The following SYNPR variants were observed in gnomAD, a reference collection of about 807,000 sequenced individuals.
SYNPR encodes synaptoporin.
In SYNPR, 23 loss-of-function variants were observed where a neutral mutation model predicts 32.9. That is an observed-to-expected ratio of 0.70 (90% CI 0.50 to 0.99). The LOEUF is 0.99. Among genes scored for constraint, SYNPR ranks in the 50% least tolerant of loss-of-function variants. SYNPR has a pLI of 0.00. For synonymous variants in SYNPR, 146 were observed against 135.9 expected, an observed-to-expected ratio of 1.07 and a Z score of -0.52; for missense variants, 318 against 349.3, an observed-to-expected ratio of 0.91 and a Z score of 0.71.
intron 2 of SYNPR, among the ~76,000 whole-genome samples, chr3:63,410,079 G>A (rs997816658): frequency 6.6e-6 from 1 of 150,946 alleles, no homozygotes; most frequent in Non-Finnish European, 1.5e-5. Flanking sequence ...CTTACACATT[G>A]TTTGTTAACA....
chr3:63,594,835 A>G (rs1699905565), intron 4 of SYNPR, among the ~76,000 whole-genome samples: 1 of 152,168 alleles, frequency 6.6e-6, no homozygotes, highest in South Asian at 2.1e-4. Flanking sequence ...TAAAAATATA[A>G]CAGCAATAAT....
At chr3:63,585,231 T>C (rs192215309) in intron 4 of SYNPR, among the ~76,000 whole-genome samples, 5 of 152,248 alleles carry the variant, frequency 3.3e-5, no homozygotes, top group Admixed American at 1.3e-4. Flanking sequence ...AAATAAAGCA[T>C]GCAACATAAG....
At chr3:63,588,264 T>C (rs1292805889) in intron 4 of SYNPR, among the ~76,000 whole-genome samples, 3 of 152,042 alleles carry the variant, frequency 2.0e-5, no homozygotes, top group East Asian at 1.9e-4. Context: ...TTTTGTTCGG[T>C]TGATGAGAAA....
the SYNPR span, among the ~76,000 whole-genome samples, chr3:63,204,183 T>C: frequency 3.9e-5 from 6 of 152,192 alleles, no homozygotes; most frequent in South Asian, 2.1e-4. Flanking sequence ...ACAAACCAGG[T>C]GGATAAAAAA....
chr3:63,498,777 G>A (rs995942473), intron 3 of SYNPR, among the ~76,000 whole-genome samples: 6 of 151,956 alleles, frequency 3.9e-5, no homozygotes, highest in Non-Finnish European at 7.4e-5. Context: ...CCGATAAGGC[G>A]TGTGAATTTT....
intron 3 of SYNPR, among the ~76,000 whole-genome samples, chr3:63,547,758 G>T (rs1702433938): frequency 6.6e-6 from 1 of 152,160 alleles, no homozygotes; most frequent in Non-Finnish European, 1.5e-5. Flanking sequence ...TTGTATGGGA[G>T]GTTAAGAGCA....
intron 2 of SYNPR, among the ~76,000 whole-genome samples, chr3:63,304,342 GTGTGTGTGTGTT>G (rs2086886579): frequency 7.1e-6 from 1 of 140,346 alleles, no homozygotes; most frequent in Non-Finnish European, 1.5e-5. Flanking sequence ...GAAAAAGAAA[GTGTGTGTGTGTT>G]TGTGTGTGTG....
chr3:63,572,879 GA>G (rs970158092), intron 4 of SYNPR, among the ~76,000 whole-genome samples: 3 of 152,032 alleles, frequency 2.0e-5, no homozygotes, highest in African/African-American at 7.2e-5. Context: ...ATAAGTATTA[GA>G]ATAAGGCATG....
rs76505796 is a variant in SYNPR at position 63,450,395 on chromosome 3, C to A, written c.85-30437C>A. ...ATTTATTTAAGTCAGAAAACTGAAG[C>A]CCCAAGAGATGAGTTGAATTGCCCA... On this transcript the variant is annotated intron_variant, in intron 2 of 5. Coordinates refer to ENST00000478300, the MANE Select transcript of SYNPR (RefSeq NM_001130003.2). Among the ~76,000 whole-genome samples, 887 of 152,204 alleles carry A rather than the reference C, an allele frequency of 5.8e-3. 7 individuals carry two copies. Among genetic ancestry groups the A allele is most frequent in the Non-Finnish European group, 9.0e-3 (609 of 68,018 alleles).
chr3:63,246,283 C>T (rs548910703), intron 1 of SYNPR, among the ~76,000 whole-genome samples: 6 of 152,116 alleles, frequency 3.9e-5, no homozygotes, highest in South Asian at 2.1e-4. Flanking sequence ...CCCTGGAGTC[C>T]CCCAGATACT....
chr3:63,281,501 T>C (rs1216123324), intron 2 of SYNPR, among the ~76,000 whole-genome samples: 1 of 152,190 alleles, frequency 6.6e-6, no homozygotes, highest in Non-Finnish European at 1.5e-5. Context: ...AAGTCTAAGA[T>C]CAAGGTGCCA....
chr3:63,267,441 G>T (rs1260439241), exon 3 of SYNPR: 8 of 152,234 alleles, frequency 5.3e-5, no homozygotes, highest in Admixed American at 5.2e-4. Flanking sequence ...TGAAGTCAAA[G>T]AGGGGCAGGT....
At chr3:63,210,550 T>A in the SYNPR span, among the ~76,000 whole-genome samples, 1 of 152,236 alleles carries the variant, frequency 6.6e-6, no homozygotes, top group East Asian at 1.9e-4. Flanking sequence ...AAACCTTACT[T>A]GTTTTCCGTT....
chr3:63,581,999 G>A (rs540273249), intron 4 of SYNPR, among the ~76,000 whole-genome samples: 5 of 152,116 alleles, frequency 3.3e-5, no homozygotes, highest in African/African-American at 9.6e-5. Flanking sequence ...TGCTTCCCAG[G>A]TGTTTTCCAA....
intron 3 of SYNPR, among the ~76,000 whole-genome samples, chr3:63,490,507 A>G (rs1231647568): frequency 6.6e-6 from 1 of 152,032 alleles, no homozygotes; most frequent in Non-Finnish European, 1.5e-5. Context: ...CAAGGAAAAG[A>G]TGGTGGTGGG....
At chr3:63,311,387 A>G (rs1379183905) in intron 2 of SYNPR, among the ~76,000 whole-genome samples, 1 of 152,026 alleles carries the variant, frequency 6.6e-6, no homozygotes. Context: ...TAGATAATGT[A>G]GAGCAGGGGT....
Position 63,358,636 on chromosome 3 carries a change from A to C in SYNPR, c.84+79894A>C, listed in dbSNP as rs918991380. On this transcript the variant is annotated intron_variant, in intron 2 of 5. Coordinates refer to ENST00000478300, the MANE Select transcript of SYNPR (RefSeq NM_001130003.2). The stretch of plus-strand genomic sequence containing the variant: ...TCCTCATAATACATGAAAAAAAAAA[A>C]CCTAAGAATGAGGACATTGTTCAGT... 2.0e-5 allele frequency among the ~76,000 whole-genome samples: 3 copies of C among 147,540 alleles called. No individual in the cohort carries two copies. In the East Asian group the frequency reaches 6.0e-4, roughly 30 times the overall value.
intron 2 of SYNPR, among the ~76,000 whole-genome samples, chr3:63,300,041 A>T (rs1180681665): frequency 6.6e-6 from 1 of 152,112 alleles, no homozygotes; most frequent in Admixed American, 6.6e-5. Context: ...AGTGTCCTTG[A>T]TTACAGAACT....
intron 2 of SYNPR, among the ~76,000 whole-genome samples, chr3:63,451,747 G>A (rs2107176344): frequency 6.6e-6 from 1 of 152,270 alleles, no homozygotes; most frequent in South Asian, 2.1e-4. Flanking sequence ...CTCGGAGAAA[G>A]CCTCTCTTTG....
Sources: allele counts gnomAD v4.1 joint callset (sites outside exome capture counted in the v4.1 genomes callset), GRCh38; gene constraint gnomAD v4.1.1; transcripts MANE v1.5; gene names NCBI Gene and HGNC (gene_info 2026-07-23, HGNC 2026-07-21).